LITAF: variants seen among roughly 807,000 people sequenced by gnomAD.
LITAF encodes lipopolysaccharide-induced tumor necrosis factor-alpha factor.
Under a neutral mutation model 14.5 loss-of-function variants are expected in LITAF, and 9 were observed. That is an observed-to-expected ratio of 0.62 (90% CI 0.37 to 1.08). LITAF has a LOEUF of 1.08. Among genes scored for constraint, LITAF ranks in the 50% least tolerant of loss-of-function variants. The probability of loss-of-function intolerance (pLI) is 0.01; values close to 1 mark genes in which losing one functional copy is unlikely to be tolerated. For missense variants in LITAF, 206 were observed against 213.4 expected (o/e 0.97, Z 0.22); for synonymous variants, 98 against 88.2 (o/e 1.11, Z -0.62).
chr16:11,572,714 G>A (rs948761530), intron 1 of LITAF, among the ~76,000 whole-genome samples: 2 of 152,214 alleles, frequency 1.3e-5, no homozygotes, highest in Admixed American at 6.5e-5. Context: ...ACAATGAATA[G>A]AGAGGTGACA....
upstream of LITAF, among the ~76,000 whole-genome samples, chr16:11,637,408 A>G (rs1460764572): frequency 1.3e-5 from 2 of 152,230 alleles, no homozygotes; most frequent in Non-Finnish European, 2.9e-5. Context: ...CTGGGGCAGA[A>G]CTACTCAGTC....
At chr16:11,581,666 C>T (rs12443744) in intron 1 of LITAF, among the ~76,000 whole-genome samples, 20,944 of 151,920 alleles carry the variant, frequency 0.14, 1,707 homozygotes, top group South Asian at 0.23. Context: ...ATGCCAAAGA[C>T]TAAGTGGGGG....
At chr16:11,611,811 C>T (rs531856928) in intron 3 of LITAF, among the ~76,000 whole-genome samples, 257 of 152,076 alleles carry the variant, frequency 1.7e-3, no homozygotes, top group Admixed American at 5.5e-3. Context: ...TACAGGTGTG[C>T]GCCACCATGC....
At chr16:11,638,037 T>C (rs1412939939), upstream of LITAF, among the ~76,000 whole-genome samples, 7 of 103,050 alleles carry the variant, frequency 6.8e-5, 1 homozygote, top group Middle Eastern at 4.2e-3. Flanking sequence ...TATATCTATA[T>C]ATATCTATAT....
chr16:11,615,465 A>G (rs750617053), intron 3 of LITAF, among the ~76,000 whole-genome samples: 8 of 150,722 alleles, frequency 5.3e-5, no homozygotes, highest in African/African-American at 1.5e-4. Flanking sequence ...TGAACCTGGG[A>G]GGTGGAGGTT....
At chr16:11,556,144 T>C (rs372108173) in intron 2 of LITAF, 112 of 405,032 alleles carry the variant, frequency 2.8e-4, no homozygotes, top group African/African-American at 2.1e-3. Flanking sequence ...CTCCTCCCTA[T>C]TCCTACCTCG....
rs2065130657 is a variant in LITAF at position 11,634,504 on chromosome 16, C to T, written c.-20-867G>A. 6.6e-6 allele frequency among the ~76,000 whole-genome samples: 1 copy of T among 152,158 alleles called. No individual in the cohort carries two copies. The highest frequency in any genetic ancestry group is 2.4e-5 in the African/African-American group (1 of 41,440). ...GAGGCCACAAGATTTGCAACTTCCC[C>T]TATTGCCCCTGCAGATAACATCACT... On this transcript the variant is annotated intron_variant, in intron 2 of 3. Coordinates refer to the LITAF transcript ENST00000574848. This position sits in a 1 kb window ranked among gnomAD's most constrained non-coding sequence, Gnocchi z 4.1.
chr16:11,563,023 G>A (rs2141750041), intron 1 of LITAF, among the ~76,000 whole-genome samples: 1 of 151,964 alleles, frequency 6.6e-6, no homozygotes, highest in Middle Eastern at 3.4e-3. Context: ...AGCTATTAAG[G>A]AAGCTGAGGT....
intron 3 of LITAF, chr16:11,551,684 T>C (rs1395114451): frequency 7.9e-6 from 5 of 631,608 alleles, no homozygotes; most frequent in Non-Finnish European, 5.6e-6. Context: ...ATTTAAAAAT[T>C]AGCTAGGTAT....
At chr16:11,571,310 G>A (rs940562494) in intron 1 of LITAF, among the ~76,000 whole-genome samples, 3 of 152,118 alleles carry the variant, frequency 2.0e-5, no homozygotes, top group African/African-American at 4.8e-5. Context: ...CAGGTGATTC[G>A]CCTGCCTCGG....
At chr16:11,583,582 T>G (rs894881654) in intron 1 of LITAF, among the ~76,000 whole-genome samples, 3 of 152,228 alleles carry the variant, frequency 2.0e-5, no homozygotes, top group African/African-American at 7.2e-5. Flanking sequence ...TTCTATAAGA[T>G]TATGCCTTTC....
In LITAF at chr16:11,586,549, T is replaced by C. The variant is rs71388711; in HGVS notation, c.-6+337A>G. The stretch of plus-strand genomic sequence containing the variant: ...TTTCTAAAAAGCCCAGGGGCCGTCC[T>C]CTCCGGGGAGGGGGACGCGGCGGGC... On this transcript the variant is annotated intron_variant, in intron 1 of 3. Coordinates refer to ENST00000622633, the MANE Select transcript of LITAF (RefSeq NM_001136472.2). This position sits in a 1 kb window ranked among gnomAD's most constrained non-coding sequence, Gnocchi z 6.5. Among the ~76,000 whole-genome samples the C allele has an allele frequency of 0.14, 21,268 of 151,890 alleles. 1,797 individuals are homozygous for C. Among genetic ancestry groups the C allele is most frequent in the South Asian group, 0.25 (1,211 of 4,828 alleles).
intron 1 of LITAF, among the ~76,000 whole-genome samples, chr16:11,597,908 T>C (rs2064900798): frequency 1.3e-5 from 2 of 152,096 alleles, no homozygotes; most frequent in Non-Finnish European, 2.9e-5. Flanking sequence ...GCTTTTTTGC[T>C]TTCTTTTTTC....
rs141184569 is a variant in LITAF at position 11,583,675 on chromosome 16, C to G, written c.-6+3211G>C. On this transcript the variant is annotated intron_variant, in intron 1 of 3. Transcript: ENST00000622633. ...TCATCTAGGAATAACCTCATGGATT[C>G]AAGTTTAAGGCAAGACATCATTAAG... Among the ~76,000 whole-genome samples, 37 of 152,264 alleles carry G rather than the reference C, an allele frequency of 2.4e-4. No individual in the cohort carries two copies. The East Asian group carries it at 7.1e-3, about 29-fold the overall frequency.
chr16:11,581,790 A>G (rs1259971189), intron 1 of LITAF, among the ~76,000 whole-genome samples: 1 of 152,170 alleles, frequency 6.6e-6, no homozygotes, highest in Non-Finnish European at 1.5e-5. Flanking sequence ...GAATCTCCCA[A>G]ACTCTGCCCA....
intron 3 of LITAF, among the ~76,000 whole-genome samples, chr16:11,630,569 A>AAT (rs1375037958): frequency 8.6e-6 from 1 of 116,070 alleles, no homozygotes; most frequent in African/African-American, 4.0e-5. Context: ...CCCCTGGCCA[A>AAT]CTTTTTTTTT....
At position 11,605,900 on chromosome 16, in the gene LITAF, G is replaced by A. The variant is rs772390619; in HGVS notation, c.85+27633C>T. Among the ~76,000 whole-genome samples the A allele has an allele frequency of 3.9e-5, 6 of 152,154 alleles. No homozygotes were observed. The highest frequency in any genetic ancestry group is 8.8e-5 in the Non-Finnish European group (6 of 68,034). The stretch of plus-strand genomic sequence containing the variant: ...AACTTATCAATAGCTGCCTCTTTAG[G>A]ATCAAGACCAACCTCTCCCACGGCC... On this transcript the variant is annotated intron_variant, in intron 3 of 3. Coordinates refer to the LITAF transcript ENST00000574848. This position sits in a 1 kb window ranked among gnomAD's most constrained non-coding sequence, Gnocchi z 4.7.
At chr16:11,640,033 C>A (rs541168260), upstream of LITAF, among the ~76,000 whole-genome samples, 2 of 152,320 alleles carry the variant, frequency 1.3e-5, no homozygotes, top group African/African-American at 4.8e-5. Flanking sequence ...CTTAGCCTCC[C>A]AAAGTGCTGA....
chr16:11,562,295 C>G (rs183955379), intron 1 of LITAF, among the ~76,000 whole-genome samples: 1 of 118,898 alleles, frequency 8.4e-6, no homozygotes. Context: ...GCCTGGGTGA[C>G]TGAGCGAGAC....
Sources: gnomAD v4.1 joint callset for allele counts (sites outside exome capture counted in the v4.1 genomes callset) on GRCh38, gnomAD v4.1.1 for gene constraint, Gnocchi (gnomAD v3.1) non-coding constraint, MANE v1.5 for transcripts, NCBI Gene and HGNC (gene_info 2026-07-23, HGNC 2026-07-21) for gene names.